The following CC2D2A variants were observed in gnomAD, a reference collection of about 807,000 sequenced individuals.
CC2D2A encodes coiled-coil and C2 domain containing 2A, also known as coiled-coil and C2 domain-containing protein 2A.
In CC2D2A, 155 loss-of-function variants were observed where a neutral mutation model predicts 212.9. That is an observed-to-expected ratio of 0.73 (90% CI 0.64 to 0.83). The LOEUF (loss-of-function observed/expected upper bound fraction) is 0.83. Ranked by LOEUF, CC2D2A falls within the 40% of genes least tolerant of loss-of-function variation. The pLI is 0.00. For synonymous variants in CC2D2A, 667 were observed against 686.5 expected (o/e 0.97, Z 0.44); for missense variants, 1,856 against 1,956.2 (o/e 0.95, Z 0.97).
chr4:15,507,459 A>G (rs997498107), intron 6 of CC2D2A, among the ~76,000 whole-genome samples: 1 of 152,190 alleles, frequency 6.6e-6, no homozygotes, highest in Non-Finnish European at 1.5e-5. Flanking sequence ...GTTTCATTCC[A>G]GGGTATCCCT....
At chr4:15,576,374 A>T in intron 29 of CC2D2A, 1 of 984,852 alleles carries the variant, frequency 1.0e-6, no homozygotes, top group Non-Finnish European at 1.2e-6. Context: ...TACTTCCTGG[A>T]TTAGCAGATT....
chr4:15,574,581 T>G (rs563856834), intron 29 of CC2D2A, among the ~76,000 whole-genome samples: 10 of 152,322 alleles, frequency 6.6e-5, no homozygotes, highest in Admixed American at 5.9e-4. Context: ...CTTAAGACTT[T>G]TAGTCAAAGC....
At chr4:15,544,625 G>C (rs1485607598) in intron 17 of CC2D2A, among the ~76,000 whole-genome samples, 3 of 152,164 alleles carry the variant, frequency 2.0e-5, no homozygotes, top group African/African-American at 7.2e-5. Flanking sequence ...CTACTACCCA[G>C]GCAGCCTGTG....
chr4:15,490,257 A>C (rs1314472970), intron 4 of CC2D2A, among the ~76,000 whole-genome samples: 1 of 152,208 alleles, frequency 6.6e-6, no homozygotes, highest in Non-Finnish European at 1.5e-5. Flanking sequence ...GTTTTAGAAC[A>C]TTTTTATCAC....
chr4:15,536,824 C>G (rs1718157068), intron 14 of CC2D2A, 96 bp from the exon 15 acceptor site: 1 of 1,141,420 alleles, frequency 8.8e-7, no homozygotes, highest in Admixed American at 2.5e-5. Flanking sequence ...AGAAGAGGAA[C>G]TGGCACATAG....
chr4:15,572,284 A>C (rs1180954481), intron 28 of CC2D2A, among the ~76,000 whole-genome samples: 1 of 152,190 alleles, frequency 6.6e-6, no homozygotes, highest in Admixed American at 6.5e-5. Context: ...CAAATCACAA[A>C]GTTTACAATA....
chr4:15,586,808 T>C (rs952307483), intron 31 of CC2D2A, among the ~76,000 whole-genome samples: 1 of 152,234 alleles, frequency 6.6e-6, no homozygotes, highest in African/African-American at 2.4e-5. Context: ...TTAATTCTAC[T>C]TCTGGATCTC....
chr4:15,586,000 G>T (rs769735940), intron 30 of CC2D2A, among the ~76,000 whole-genome samples, 157 bp from the exon 31 acceptor site: 2 of 152,216 alleles, frequency 1.3e-5, no homozygotes, highest in Non-Finnish European at 2.9e-5. Context: ...TAGGATGTTT[G>T]GTGAGGATGG....
At chr4:15,497,203 A>C (rs1715669470) in intron 4 of CC2D2A, among the ~76,000 whole-genome samples, 1 of 152,250 alleles carries the variant, frequency 6.6e-6, no homozygotes, top group Non-Finnish European at 1.5e-5. Flanking sequence ...TGGTACAGGT[A>C]CAAAAACAGG....
At chr4:15,583,455 A>T (rs1326568992) in intron 30 of CC2D2A, among the ~76,000 whole-genome samples, 2 of 152,244 alleles carry the variant, frequency 1.3e-5, no homozygotes, top group Non-Finnish European at 2.9e-5. Flanking sequence ...CCCCATCAAG[A>T]AACTGTTAGA....
intron 34 of CC2D2A, among the ~76,000 whole-genome samples, chr4:15,596,691 G>GT (rs1269390947): frequency 1.3e-5 from 2 of 152,108 alleles, no homozygotes; most frequent in African/African-American, 4.8e-5. Flanking sequence ...GTAATGAAAT[G>GT]TATTTTATAC....
At position 15,510,217 on chromosome 4, in the gene CC2D2A, C is replaced by A; in HGVS notation, c.517C>A (p.Arg173=). The A allele has an allele frequency of 1.2e-6, 2 of 1,610,958 alleles. No homozygotes were observed. The highest frequency in any genetic ancestry group is 1.7e-6 in the Non-Finnish European group (2 of 1,179,064). The change falls in exon 7 of 37, where the codon CGA becomes AGA. Residue 173 remains arginine, a synonymous_variant. Coordinates refer to ENST00000424120, the MANE Select transcript of CC2D2A (RefSeq NM_001378615.1). ...YSRVKFHDSA[R]KIKPKPQVPP... ...AAGAGTCAAGTTCCATGATTCTGCA[C>A]GAAAAATCAAGCCTAAACCCCAGGT... is the stretch of plus-strand genomic sequence containing the variant.
At chr4:15,579,837 A>T in intron 29 of CC2D2A, 131 bp from the exon 30 acceptor site, 1 of 688,796 alleles carries the variant, frequency 1.5e-6, no homozygotes, top group Non-Finnish European at 2.5e-6. Context: ...GGACACCAGG[A>T]CATGACAGCT....
intron 3 of CC2D2A, chr4:15,479,343 A>G (rs1199807002): frequency 6.6e-7 from 1 of 1,525,732 alleles, no homozygotes; most frequent in African/African-American, 1.4e-5. Context: ...GTCCTTGGTA[A>G]GAAGTTGTCC....
In CC2D2A at chr4:15,589,612, A is replaced by G. The variant is rs1359466030; in HGVS notation, c.4247A>G (p.His1416Arg). Residue 1416 changes from histidine to arginine, a missense_variant, in exon 33 of 37, where the codon CAT (histidine) becomes CGT (arginine). This residue lies in a region of CC2D2A where 285 missense variants were observed against 278.4 expected (regional missense o/e 1.02). Transcript: ENST00000424120. ...RYLIWNPCSG[H>R]FYGQFDTFCP... ...TTAATATGGAATCCCTGCAGTGGAC[A>G]TTTTTATGGACAATTTGATACATTC... 2 of 1,612,550 alleles carry G rather than the reference A, an allele frequency of 1.2e-6. No homozygotes were observed. Among genetic ancestry groups the G allele is most frequent in the Non-Finnish European group, 1.7e-6 (2 of 1,179,110 alleles).
intron 4 of CC2D2A, among the ~76,000 whole-genome samples, chr4:15,486,784 A>T (rs1715024560): frequency 6.6e-6 from 1 of 151,944 alleles, no homozygotes; most frequent in African/African-American, 2.4e-5. Context: ...GTAGGTATTT[A>T]TTGCTATAAA....
At chr4:15,524,754 AT>A (rs1167409671) in intron 11 of CC2D2A, among the ~76,000 whole-genome samples, 2 of 151,552 alleles carry the variant, frequency 1.3e-5, no homozygotes, top group African/African-American at 4.8e-5. Flanking sequence ...CCCGGCTTTA[AT>A]TTTTTTTTCT....
In CC2D2A at chr4:15,563,485, C is replaced by A. The variant is rs386833750; in HGVS notation, c.3145C>A (p.Arg1049=). 40 of 1,612,090 alleles carry A rather than the reference C, an allele frequency of 2.5e-5. No individual in the cohort carries two copies. The highest frequency in any genetic ancestry group is 3.2e-5 in the Non-Finnish European group (38 of 1,179,240). ...CATAAAGCTGCTGGTGAACATTGTG[C>A]GAGCTTACGACATTCCAGTGAGGAA... ...GDIKLLVNIV[R]AYDIPVRKPA... Residue 1049 remains arginine, a synonymous_variant, in exon 24 of 37, where the codon CGA becomes AGA. Transcript: ENST00000424120.
chr4:15,594,998 A>G (rs1350281036), intron 33 of CC2D2A, among the ~76,000 whole-genome samples: 1 of 151,862 alleles, frequency 6.6e-6, no homozygotes, highest in Non-Finnish European at 1.5e-5. Flanking sequence ...TTTTTTTAAG[A>G]GATGGGGGGT....
Sources: allele counts gnomAD v4.1 joint callset (sites outside exome capture counted in the v4.1 genomes callset), GRCh38; gene constraint gnomAD v4.1.1; regional missense constraint gnomAD v4.1.1; transcripts MANE v1.5; gene names NCBI Gene and HGNC (gene_info 2026-07-23, HGNC 2026-07-21).